TRPM1: variants seen among roughly 807,000 people sequenced by gnomAD.
The protein encoded by TRPM1 is transient receptor potential cation channel subfamily M member 1.
TRPM1 carries 113 observed loss-of-function variants against 149.4 expected under a neutral mutation model. The ratio of observed to expected loss-of-function variants is 0.76; its 90% CI spans 0.65 to 0.88. The LOEUF is 0.88. TRPM1 is among the 40% of genes least tolerant of loss of function. The probability of loss-of-function intolerance (pLI) is 0.00; values close to 1 mark genes in which losing one functional copy is unlikely to be tolerated. For synonymous variants in TRPM1, 741 were observed against 759.5 expected (o/e 0.98, Z 0.40); for missense variants, 1,976 against 2,038.7 (o/e 0.97, Z 0.59).
chr15:31,039,637 T>C (rs12908432), intron 18 of TRPM1, among the ~76,000 whole-genome samples: 18,541 of 152,248 alleles, frequency 0.12, 1,241 homozygotes, highest in Admixed American at 0.15. Context: ...TTTCAAACCC[T>C]TTCGTAGCTT....
chr15:31,091,904 A>G (rs1023688192), intron 1 of TRPM1, among the ~76,000 whole-genome samples: 1 of 152,222 alleles, frequency 6.6e-6, no homozygotes, highest in African/African-American at 2.4e-5. Flanking sequence ...ACCACTTTGA[A>G]TGTCACACAA....
chr15:31,112,054 G>A (rs1157088262), intron 1 of TRPM1, among the ~76,000 whole-genome samples: 1 of 152,228 alleles, frequency 6.6e-6, no homozygotes, highest in African/African-American at 2.4e-5. Flanking sequence ...CACAGGCCAA[G>A]GCAAGGCTGC....
chr15:31,060,526 G>T lies in TRPM1; in HGVS notation c.1263+18C>A, dbSNP rs745618858. The T allele has an allele frequency of 1.0e-5, 16 of 1,599,066 alleles. No homozygotes were observed. The highest frequency in any genetic ancestry group is 1.7e-4 in the Middle Eastern group (1 of 6,038). ...AAAGTCAAGATCAATGATATGAATC[G>T]AAAAAAAACAGTTTCACCGGCCAGT... On this transcript the variant is annotated intron_variant, in intron 11 of 27. Coordinates refer to ENST00000256552, the MANE Select transcript of TRPM1 (RefSeq NM_001252024.2).
At chr15:31,048,174 G>T (rs2033834703) in intron 13 of TRPM1, among the ~76,000 whole-genome samples, 1 of 152,116 alleles carries the variant, frequency 6.6e-6, no homozygotes, top group African/African-American at 2.4e-5. Flanking sequence ...GAGGTTGGAG[G>T]ATCACTTGAA....
At chr15:31,158,490 G>T (rs1202286610) in intron 1 of TRPM1, among the ~76,000 whole-genome samples, 1 of 152,058 alleles carries the variant, frequency 6.6e-6, no homozygotes, top group African/African-American at 2.4e-5. Flanking sequence ...ATCCGGGTGT[G>T]GTGGCAGGTG....
At chr15:31,110,714 C>A (rs1389400386) in intron 1 of TRPM1, among the ~76,000 whole-genome samples, 2 of 152,160 alleles carry the variant, frequency 1.3e-5, no homozygotes, top group Non-Finnish European at 2.9e-5. Flanking sequence ...TGCTCCCCAT[C>A]CTCCATTGGA....
chr15:31,101,913 G>C (rs1040316931), upstream of TRPM1, among the ~76,000 whole-genome samples: 2 of 152,276 alleles, frequency 1.3e-5, no homozygotes, highest in Non-Finnish European at 2.9e-5. Flanking sequence ...GGCAGCCTTA[G>C]GATGTGAGAG....
chr15:31,104,586 CTTTTTTTTTT>C (rs928062797), upstream of TRPM1, among the ~76,000 whole-genome samples: 4 of 87,466 alleles, frequency 4.6e-5, no homozygotes, highest in South Asian at 4.2e-4. Context: ...GGTGATCTTC[CTTTTTTTTTT>C]TTTTTTTTTT....
chr15:31,124,694 A>G (rs1357419403), intron 1 of TRPM1, among the ~76,000 whole-genome samples: 2 of 151,176 alleles, frequency 1.3e-5, no homozygotes, highest in African/African-American at 2.4e-5. Context: ...AGAAGGCTAC[A>G]TACTGTATGA....
At position 31,040,287 on chromosome 15, in the gene TRPM1, A is replaced by T; in HGVS notation, c.2147T>A (p.Ile716Asn). ...LDQSYKHDEQ[I>N]AMKLLTYELK... is the part of the protein sequence containing the mutation. Reference sequence around the variant, plus strand: ...CTCGTAGGTCAGGAGTTTCATAGCGATCTGCTCGTCATGCTTATAGGACTG... The same window carrying T: ...CTCGTAGGTCAGGAGTTTCATAGCGTTCTGCTCGTCATGCTTATAGGACTG... Residue 716 changes from isoleucine to asparagine, a missense_variant, in exon 18 of 28, where the codon ATC (isoleucine) becomes AAC (asparagine). By Grantham distance (149) the Ile-to-Asn change is moderately radical. Transcript: ENST00000256552. The surrounding 1 kb of genome is among the most constrained non-coding windows in gnomAD (Gnocchi z 4.2). The T allele has an allele frequency of 1.2e-6, 2 of 1,614,126 alleles. No individual in the cohort carries two copies. Among genetic ancestry groups the T allele is most frequent in the Non-Finnish European group, 1.7e-6 (2 of 1,180,024 alleles).
chr15:31,119,904 T>G (rs2035853998), intron 1 of TRPM1, among the ~76,000 whole-genome samples: 1 of 152,038 alleles, frequency 6.6e-6, no homozygotes, highest in Non-Finnish European at 1.5e-5. Context: ...TATAAAATGC[T>G]CAATTGAAAC....
Position 31,128,581 on chromosome 15 carries a change from C to T in TRPM1, c.54+32325G>A, listed in dbSNP as rs988857175. 5.9e-5 allele frequency among the ~76,000 whole-genome samples: 9 copies of T among 152,152 alleles called. No individual in the cohort carries two copies. In the East Asian group the frequency reaches 1.7e-3, roughly 29 times the overall value. ...CCTTCCTGCTCACAACTGGGGGAGA[C>T]GGTGCTGGATGGGGATGTGCCAGGG... On this transcript the variant is annotated intron_variant, in intron 1 of 26. Transcript: ENST00000542188.
In TRPM1 at chr15:31,113,804, A is replaced by C. The variant is rs553052323; in HGVS notation, c.55-36820T>G. ...TTAAAGGTGGCAAGGACCCACAGTT[A>C]GCAACAGCAAGATTTATTGTGAAGA... On this transcript the variant is annotated intron_variant, in intron 1 of 26. Transcript: ENST00000542188. Among the ~76,000 whole-genome samples the C allele has an allele frequency of 1.6e-4, 25 of 152,312 alleles. No homozygotes were observed. In the South Asian group the frequency reaches 2.1e-3, roughly 13 times the overall value.
rs994604714 is a variant in TRPM1 at position 31,002,210 on chromosome 15, T to C, written c.4490A>G (p.Gln1497Arg). Residue 1497 changes from glutamine to arginine, a missense_variant, in exon 28 of 28, where the codon CAA becomes CGA. By Grantham distance (43) the Gln-to-Arg change is conservative (BLOSUM62 1). Coordinates refer to ENST00000256552, the MANE Select transcript of TRPM1 (RefSeq NM_001252024.2). ...QLTTEWQCQVQKITRSHSTDI... is the reference protein window; with the variant it reads ...QLTTEWQCQVRKITRSHSTDI... ...TGTGCTATGAGAGCGCGTGATCTTT[T>C]GAACTTGGCATTGCCATTCCGTCGT... 7.4e-6 allele frequency: 12 copies of C among 1,614,268 alleles called. No homozygotes were observed. The highest frequency in any genetic ancestry group is 1.0e-5 in the Non-Finnish European group (12 of 1,180,044).
intron 1 of TRPM1, among the ~76,000 whole-genome samples, chr15:31,121,723 T>C (rs570407058): frequency 6.0e-4 from 92 of 152,266 alleles, no homozygotes; most frequent in African/African-American, 2.2e-3. Context: ...GTTTCACTGG[T>C]GAATTATACC....
intron 1 of TRPM1, among the ~76,000 whole-genome samples, chr15:31,149,440 C>T (rs2036263871): frequency 6.6e-6 from 1 of 152,136 alleles, no homozygotes; most frequent in South Asian, 2.1e-4. Context: ...AAGGCTGGCC[C>T]CCTGAGCCTT....
At chr15:31,155,773 A>G (rs972321685) in intron 1 of TRPM1, among the ~76,000 whole-genome samples, 2 of 152,138 alleles carry the variant, frequency 1.3e-5, no homozygotes, top group African/African-American at 4.8e-5. Flanking sequence ...CTCTTGCCCA[A>G]ATTCCTATCT....
chr15:31,138,553 GGTTT>G (rs1205272673), intron 1 of TRPM1, among the ~76,000 whole-genome samples: 1 of 146,192 alleles, frequency 6.8e-6, no homozygotes, highest in African/African-American at 2.7e-5. Flanking sequence ...TTAACAAACA[GGTTT>G]TTTGAGTTGA....
intron 3 of TRPM1, among the ~76,000 whole-genome samples, chr15:31,074,831 T>C (rs543095363): frequency 6.3e-4 from 96 of 152,326 alleles, no homozygotes; most frequent in African/African-American, 2.2e-3. Context: ...TCCCTGTCCG[T>C]ACTACTTTAC....
Sources: gnomAD v4.1 joint callset for allele counts (sites outside exome capture counted in the v4.1 genomes callset) on GRCh38, gnomAD v4.1.1 for gene constraint, Gnocchi (gnomAD v3.1) non-coding constraint, MANE v1.5 for transcripts, NCBI Gene and HGNC (gene_info 2026-07-23, HGNC 2026-07-21) for gene names.